NALF1: variants seen among roughly 807,000 people sequenced by gnomAD.
NALF1 encodes family with sequence similarity 155 member A.
Under a neutral mutation model 48.4 loss-of-function variants are expected in NALF1, and 3 were observed. That is an observed-to-expected ratio of 0.06 (90% CI 0.03 to 0.16). The LOEUF (loss-of-function observed/expected upper bound fraction) is 0.16. NALF1 is among the 10% of genes least tolerant of loss of function. NALF1 has a pLI of 1.00. For missense variants in NALF1, 526 were observed against 571.5 expected, an observed-to-expected ratio of 0.92 and a Z score of 0.81; for synonymous variants, 262 against 245.7, an observed-to-expected ratio of 1.07 and a Z score of -0.62.
rs1410286910 is a variant in NALF1, at chr13:107,174,410, C to A, written c.1088-3624G>T. ...CTCGCTCTGTCGCCAGGCTGGAGCT[C>A]GGTGGTGCAATCTCAGCTCACTGCA... On this transcript the variant is annotated intron_variant, in intron 2 of 2. Coordinates refer to ENST00000375915, the MANE Select transcript of NALF1 (RefSeq NM_001080396.3). Among the ~76,000 whole-genome samples the A allele has an allele frequency of 2.6e-5, 4 of 151,434 alleles. No homozygotes were observed. The East Asian group carries it at 7.8e-4, about 29-fold the overall frequency.
At chr13:107,325,995 A>ATATATG (rs1882357864) in intron 1 of NALF1, among the ~76,000 whole-genome samples, 1 of 149,244 alleles carries the variant, frequency 6.7e-6, no homozygotes, top group Non-Finnish European at 1.5e-5. Context: ...ATATATACAT[A>ATATATG]TATATGTATA....
At position 107,265,031 on chromosome 13, in the gene NALF1, T is replaced by C. The variant is rs1412606665; in HGVS notation, c.916-54276A>G. Among the ~76,000 whole-genome samples the C allele has an allele frequency of 2.6e-5, 4 of 152,368 alleles. No individual in the cohort carries two copies. In the East Asian group the frequency reaches 7.7e-4, roughly 29 times the overall value. On this transcript the variant is annotated intron_variant, in intron 1 of 2. Coordinates refer to ENST00000375915, the MANE Select transcript of NALF1 (RefSeq NM_001080396.3). The stretch of plus-strand genomic sequence containing the variant: ...TCATGTGAGAAGGCAATTTACCTTT[T>C]GAAAAATGTAGTCAAACACACCTTT...
intron 1 of NALF1, among the ~76,000 whole-genome samples, chr13:107,539,082 T>C (rs1372836732): frequency 6.6e-6 from 1 of 151,948 alleles, no homozygotes; most frequent in Non-Finnish European, 1.5e-5. Context: ...TTATTTTTAA[T>C]ACATCACTGG....
chr13:107,185,316 G>A (rs1160873652), intron 2 of NALF1, among the ~76,000 whole-genome samples: 1 of 152,008 alleles, frequency 6.6e-6, no homozygotes, highest in African/African-American at 2.4e-5. Flanking sequence ...CGAATATACT[G>A]CATATTCATC....
intron 1 of NALF1, among the ~76,000 whole-genome samples, chr13:107,708,638 C>T (rs1283551376): frequency 6.6e-6 from 1 of 152,180 alleles, no homozygotes; most frequent in Admixed American, 6.5e-5. Flanking sequence ...TACAAATATG[C>T]TATTGTTGAA....
In NALF1 at chr13:107,866,027, C is replaced by T. The variant is rs777157086; in HGVS notation, c.570G>A (p.Val190=). Residue 190 remains valine, a synonymous_variant, in exon 1 of 3, where the codon GTG becomes GTA. Coordinates refer to ENST00000375915, the MANE Select transcript of NALF1 (RefSeq NM_001080396.3). The surrounding 1 kb of genome is among the most constrained non-coding windows in gnomAD (Gnocchi z 4.4). ...QCFTVENADA[V]CARNWSRGAA... Reference sequence around the variant, plus strand: ...CCCCCCGACTCCAGTTCCTGGCGCACACCGCGTCCGCATTCTCCACCGTGA... The same window carrying T: ...CCCCCCGACTCCAGTTCCTGGCGCATACCGCGTCCGCATTCTCCACCGTGA... The T allele has an allele frequency of 1.4e-5, 22 of 1,611,924 alleles. No individual in the cohort carries two copies. Among genetic ancestry groups the T allele is most frequent in the Non-Finnish European group, 1.8e-5 (21 of 1,179,888 alleles).
chr13:107,653,993 T>A (rs1880511653), intron 1 of NALF1, among the ~76,000 whole-genome samples: 1 of 151,840 alleles, frequency 6.6e-6, no homozygotes, highest in Non-Finnish European at 1.5e-5. Flanking sequence ...TAGTGACTAA[T>A]AAATCAAAAC....
chr13:107,279,043 CTTTTTTTT>C (rs200133690), intron 1 of NALF1, among the ~76,000 whole-genome samples: 3 of 122,940 alleles, frequency 2.4e-5, no homozygotes, highest in Admixed American at 1.8e-4. Flanking sequence ...TTCTTTTCTT[CTTTTTTTT>C]TTTTTTTTTT....
intron 1 of NALF1, among the ~76,000 whole-genome samples, chr13:107,818,827 G>A (rs550064927): frequency 5.7e-5 from 7 of 123,596 alleles, no homozygotes; most frequent in East Asian, 3.0e-4. Flanking sequence ...AGCCGAGATC[G>A]CGCCACTGCA....
At chr13:107,420,655 A>T (rs988117194) in intron 1 of NALF1, among the ~76,000 whole-genome samples, 1 of 152,296 alleles carries the variant, frequency 6.6e-6, no homozygotes, top group East Asian at 1.9e-4. Flanking sequence ...CAATACATTA[A>T]TCTAGGAAGA....
intron 1 of NALF1, among the ~76,000 whole-genome samples, chr13:107,519,285 A>G (rs1424245566): frequency 2.0e-5 from 3 of 152,142 alleles, no homozygotes; most frequent in Admixed American, 2.0e-4. Flanking sequence ...GTTATTAACA[A>G]TAAAGTTGTA....
At chr13:107,588,533 A>T (rs370883607) in intron 1 of NALF1, among the ~76,000 whole-genome samples, 2 of 152,126 alleles carry the variant, frequency 1.3e-5, no homozygotes, top group East Asian at 3.9e-4. Context: ...GAATGAAGTC[A>T]TCAAAGAGCC....
intron 1 of NALF1, among the ~76,000 whole-genome samples, chr13:107,851,860 G>T (rs1396593): frequency 7.4e-6 from 1 of 135,390 alleles, no homozygotes; most frequent in African/African-American, 2.8e-5. Context: ...GCAGGCTTGA[G>T]TGCAGCGGGA....
chr13:107,374,834 T>C (rs1883309181), intron 1 of NALF1, among the ~76,000 whole-genome samples: 1 of 152,160 alleles, frequency 6.6e-6, no homozygotes. Context: ...CTTTCCACCA[T>C]GTTAAGATGC....
chr13:107,389,772 A>T (rs2138981747), intron 1 of NALF1, among the ~76,000 whole-genome samples: 1 of 152,290 alleles, frequency 6.6e-6, no homozygotes, highest in Admixed American at 6.5e-5. Flanking sequence ...TGCATAGAAC[A>T]GTGCCTGGCA....
At chr13:107,480,851 A>T (rs1161072649) in intron 1 of NALF1, among the ~76,000 whole-genome samples, 1 of 152,226 alleles carries the variant, frequency 6.6e-6, no homozygotes, top group East Asian at 1.9e-4. Context: ...TGCTAAAAAT[A>T]GTATTTCGAC....
intron 1 of NALF1, among the ~76,000 whole-genome samples, chr13:107,668,113 A>C (rs1210724022): frequency 6.6e-6 from 1 of 152,170 alleles, no homozygotes; most frequent in Non-Finnish European, 1.5e-5. Flanking sequence ...GTCTATTTTG[A>C]AATAAGCCCT....
At chr13:107,410,602 A>T (rs1476282553) in intron 1 of NALF1, among the ~76,000 whole-genome samples, 10 of 152,184 alleles carry the variant, frequency 6.6e-5, no homozygotes, top group Non-Finnish European at 1.0e-4. Context: ...CAATGCTGTT[A>T]AAACTCTTGA....
chr13:107,639,641 C>A lies in NALF1; in HGVS notation c.915+226041G>T, dbSNP rs1046859220. ...AATGTATGCTCTCCTTCTCAGACCCCAGGCTTCTTCAGGACACAGGTTTGG... is the reference window on the plus strand; with the variant it reads ...AATGTATGCTCTCCTTCTCAGACCCAAGGCTTCTTCAGGACACAGGTTTGG... On this transcript the variant is annotated intron_variant, in intron 1 of 2. Transcript: ENST00000375915. Among the ~76,000 whole-genome samples, 71 of 150,818 alleles carry A rather than the reference C, an allele frequency of 4.7e-4. 1 individual carries two copies. Among genetic ancestry groups the A allele is most frequent in the Admixed American group, 1.7e-3 (26 of 15,082 alleles).
Sources: allele counts gnomAD v4.1 joint callset (sites outside exome capture counted in the v4.1 genomes callset), GRCh38; gene constraint gnomAD v4.1.1; non-coding constraint Gnocchi (gnomAD v3.1); transcripts MANE v1.5; gene names NCBI Gene and HGNC (gene_info 2026-07-23, HGNC 2026-07-21).